Variants in PCDHGB4 observed in about 807,000 individuals in gnomAD.
PCDHGB4 encodes protocadherin gamma-B4.
PCDHGB4 carries 38 observed loss-of-function variants against 60.5 expected under a neutral mutation model. The observed-to-expected ratio is 0.63, with a 90% CI of 0.48 to 0.82. PCDHGB4 has a LOEUF of 0.82. Ranked by LOEUF, PCDHGB4 falls within the 40% of genes least tolerant of loss-of-function variation. The pLI, the probability that PCDHGB4 is intolerant of heterozygous loss-of-function variation, is 0.00. For synonymous variants in PCDHGB4, 456 were observed against 509.7 expected (o/e 0.89, Z 1.42); for missense variants, 1,109 against 1,209.6 (o/e 0.92, Z 1.23).
At chr5:141,473,511 C>T (rs952034051) in intron 1 of PCDHGB4, among the ~76,000 whole-genome samples, 23 of 152,108 alleles carry the variant, frequency 1.5e-4, no homozygotes, top group Non-Finnish European at 3.1e-4. Flanking sequence ...GAGAGCATAA[C>T]AAAGGATCCT....
At chr5:141,422,782 C>CG in intron 1 of PCDHGB4, 1 of 1,614,090 alleles carries the variant, frequency 6.2e-7, no homozygotes, top group South Asian at 1.1e-5. Context: ...CTATGCCCTA[C>CG]AATCCTTCGA....
At chr5:141,395,297 T>C in intron 1 of PCDHGB4, 1 of 1,523,916 alleles carries the variant, frequency 6.6e-7, no homozygotes, top group Non-Finnish European at 8.8e-7. Context: ...GCATAAATTA[T>C]GTTTTGAAAA....
chr5:141,425,714 A>G (rs1259037833), intron 1 of PCDHGB4, among the ~76,000 whole-genome samples: 1 of 152,218 alleles, frequency 6.6e-6, no homozygotes, highest in African/African-American at 2.4e-5. Context: ...AAATTTTCCC[A>G]TACCACTTGA....
chr5:141,393,220 A>G (rs2092705422), intron 1 of PCDHGB4: 15 of 1,613,684 alleles, frequency 9.3e-6, no homozygotes, highest in Non-Finnish European at 1.3e-5. Context: ...TTCCAGGTCG[A>G]AGATCTAGAA....
At chr5:141,473,988 G>T (rs1006988447) in intron 1 of PCDHGB4, among the ~76,000 whole-genome samples, 2 of 152,118 alleles carry the variant, frequency 1.3e-5, no homozygotes, top group Middle Eastern at 3.2e-3. Context: ...AGGATCCCTT[G>T]AGCCCAAGGA....
At position 141,433,069 on chromosome 5, in the gene PCDHGB4, C is replaced by G. The variant is rs561950316; in HGVS notation, c.2397+42788C>G. The G allele has an allele frequency of 3.1e-6, 5 of 1,614,200 alleles. No homozygotes were observed. In the Admixed American group the frequency reaches 8.3e-5, roughly 27 times the overall value. Reference sequence around the variant, plus strand: ...ACTCGCGGAAGAGTCACCTGATCTTCCCCCAGCCCAACTATGCAGACATGC... The same window carrying G: ...ACTCGCGGAAGAGTCACCTGATCTTGCCCCAGCCCAACTATGCAGACATGC... On this transcript the variant is annotated intron_variant, in intron 1 of 3. Coordinates refer to ENST00000519479, the MANE Select transcript of PCDHGB4 (RefSeq NM_003736.4).
At chr5:141,500,045 T>C (rs2099796072) in intron 2 of PCDHGB4, among the ~76,000 whole-genome samples, 1 of 152,062 alleles carries the variant, frequency 6.6e-6, no homozygotes, top group South Asian at 2.1e-4. Flanking sequence ...CTTAAGTATC[T>C]TAATGCTCTT....
At position 141,428,400 on chromosome 5, in the gene PCDHGB4, G is replaced by T. The variant is rs373595231; in HGVS notation, c.2397+38119G>T. 3 of 483,290 alleles carry T rather than the reference G, an allele frequency of 6.2e-6. No individual in the cohort carries two copies. The East Asian group carries it at 1.2e-4, about 20-fold the overall frequency. 29.9% of individuals were successfully genotyped at this position (483,290 alleles called of 1,614,324 possible). ...GATGCTCTTCCAGCCCCTCTGCCTGGGGTTGCTTTCACCCTGGTCTCTGTT... is the reference window on the plus strand; with the variant it reads ...GATGCTCTTCCAGCCCCTCTGCCTGTGGTTGCTTTCACCCTGGTCTCTGTT... On this transcript the variant is annotated intron_variant, in intron 1 of 3. Coordinates refer to ENST00000519479, the MANE Select transcript of PCDHGB4 (RefSeq NM_003736.4).
At chr5:141,473,229 T>G (rs891825934) in intron 1 of PCDHGB4, among the ~76,000 whole-genome samples, 8 of 152,160 alleles carry the variant, frequency 5.3e-5, no homozygotes, top group Admixed American at 1.3e-4. Context: ...GGAGATTGGA[T>G]CCACACAAGT....
At chr5:141,404,615 C>T in intron 1 of PCDHGB4, 5 of 1,614,122 alleles carry the variant, frequency 3.1e-6, no homozygotes, top group Non-Finnish European at 4.2e-6. Flanking sequence ...TGTTTTGGAC[C>T]AGAATGACAA....
intron 1 of PCDHGB4, chr5:141,410,045 G>A (rs962300160): frequency 1.9e-6 from 3 of 1,613,048 alleles, no homozygotes; most frequent in African/African-American, 1.3e-5. Context: ...CAGTGAGCCC[G>A]GACTCTTCAG....
At chr5:141,393,275 C>T (rs769641711) in intron 1 of PCDHGB4, 4 of 1,613,828 alleles carry the variant, frequency 2.5e-6, no homozygotes, top group East Asian at 4.5e-5. Context: ...GTTATCCACT[C>T]CCAGAAGCTG....
intron 1 of PCDHGB4, chr5:141,404,176 A>G (rs763166170): frequency 7.4e-6 from 12 of 1,613,206 alleles, no homozygotes; most frequent in South Asian, 2.2e-5. Context: ...TGACGGCCCA[A>G]ATTCTTGACC....
chr5:141,389,281 G>A lies in PCDHGB4; in HGVS notation c.1397G>A (p.Gly466Glu), dbSNP rs768749414. The change falls in exon 1 of 4, where the codon GGA (glycine) becomes GAA (glutamate). Residue 466 changes from glycine (G) to glutamate (E), a missense_variant. Gly to Glu is a moderately conservative substitution (Grantham distance 98). This residue lies in a region of PCDHGB4 where 1,068 missense variants were observed against 1,089.9 expected (regional missense o/e 0.98). Transcript: ENST00000519479. The part of the protein sequence containing the change: ...IVHVAENNPP[G>E]ASISQVRASD... The stretch of plus-strand genomic sequence containing the variant: ...CACGTGGCCGAGAACAACCCGCCTG[G>A]AGCCTCTATTTCACAAGTCAGGGCT... 3 of 1,614,012 alleles carry A rather than the reference G, an allele frequency of 1.9e-6. No individual in the cohort carries two copies. The highest frequency in any genetic ancestry group is 2.2e-5 in the South Asian group (2 of 91,086).
chr5:141,439,117 C>T (rs1219829519), intron 1 of PCDHGB4, among the ~76,000 whole-genome samples: 6 of 150,696 alleles, frequency 4.0e-5, no homozygotes, highest in African/African-American at 7.3e-5. Context: ...CACTTGAACC[C>T]GGGAGACAGA....
chr5:141,465,502 G>A (rs948827391), intron 1 of PCDHGB4, among the ~76,000 whole-genome samples: 6 of 152,268 alleles, frequency 3.9e-5, no homozygotes, highest in Admixed American at 2.0e-4. Context: ...GAGCATTGTC[G>A]TGGTCAGGAA....
At chr5:141,467,630 T>A (rs1483747040) in intron 1 of PCDHGB4, among the ~76,000 whole-genome samples, 2 of 152,194 alleles carry the variant, frequency 1.3e-5, no homozygotes, top group African/African-American at 4.8e-5. Flanking sequence ...TGAGATAGCA[T>A]CTTTATCATG....
At position 141,460,912 on chromosome 5, in the gene PCDHGB4, G is replaced by GTGTATATA. The variant is rs145509489; in HGVS notation, c.2398-33894_2398-33893insGTATATAT. ...TCGTGGCTGAGTAATATTCCATGGTGTATATATATATATGTGTGTGTGTAT... is the reference window on the plus strand; with the variant it reads ...TCGTGGCTGAGTAATATTCCATGGTGTGTATATATATATATATATATGTGTGTGTGTAT... On this transcript the variant is annotated intron_variant, in intron 1 of 3. Transcript: ENST00000519479. Among the ~76,000 whole-genome samples the GTGTATATA allele has an allele frequency of 5.0e-3, 740 of 149,316 alleles. 4 individuals are homozygous for GTGTATATA. The highest frequency in any genetic ancestry group is 0.015 in the African/African-American group (617 of 40,618).
intron 1 of PCDHGB4, chr5:141,405,119 C>A: frequency 1.2e-6 from 2 of 1,614,024 alleles, no homozygotes; most frequent in South Asian, 1.1e-5. Context: ...GCACTCCTCG[C>A]ATCTGCTGCG....
Sources: allele counts gnomAD v4.1 joint callset (sites outside exome capture counted in the v4.1 genomes callset), GRCh38; gene constraint gnomAD v4.1.1; regional missense constraint gnomAD v4.1.1; transcripts MANE v1.5; gene names NCBI Gene and HGNC (gene_info 2026-07-23, HGNC 2026-07-21).